The following NAIP variants were observed in gnomAD, a reference collection of about 807,000 sequenced individuals.
The protein encoded by NAIP is NLR family apoptosis inhibitory protein, also known as baculoviral IAP repeat-containing protein 1.
Under a neutral mutation model 23.0 loss-of-function variants are expected in NAIP, and 15 were observed. The ratio of observed to expected loss-of-function variants is 0.65; its 90% confidence interval spans 0.44 to 1.00. The LOEUF is 1.00. NAIP is among the 50% of genes least tolerant of loss of function. The pLI, the probability that NAIP is intolerant of heterozygous loss-of-function variation, is 0.00. For synonymous variants in NAIP, 100 were observed against 100.2 expected (o/e 1.00, Z 0.01); for missense variants, 265 against 278.8 (o/e 0.95, Z 0.35).
rs928871678 is a variant in NAIP, at chr5:71,013,533, G to C, written c.-3-615C>G. Among the ~76,000 whole-genome samples, 2 of 150,470 alleles carry C rather than the reference G, an allele frequency of 1.3e-5. 1 individual carries two copies. Among genetic ancestry groups the C allele is most frequent in the Non-Finnish European group, 3.0e-5 (2 of 67,496 alleles). ...CGGGCGCCTGTAGTCCCAGCTACTC[G>C]GGAGGCTGAGGCAGGAGAATGGCGT... On this transcript the variant is annotated intron_variant, in intron 3 of 16. Transcript: ENST00000517649.
chr5:71,007,611 TTGAG>T (rs1750924661), intron 5 of NAIP, among the ~76,000 whole-genome samples: 1 of 144,484 alleles, frequency 6.9e-6, no homozygotes, highest in Non-Finnish European at 1.5e-5. Flanking sequence ...CATATATAGT[TTGAG>T]TGGTTTTAAA....
At chr5:71,017,739 C>T in intron 3 of NAIP, among the ~76,000 whole-genome samples, 1 of 69,338 alleles carries the variant, frequency 1.4e-5, no homozygotes, top group Non-Finnish European at 3.2e-5. Context: ...CAGGGTTTCA[C>T]CATGTTGGCC....
At chr5:70,996,431 TAAAA>T (rs2112895894) in intron 9 of NAIP, among the ~76,000 whole-genome samples, 1 of 130,736 alleles carries the variant, frequency 7.6e-6, no homozygotes, top group South Asian at 2.6e-4. Flanking sequence ...TTTAAATAAA[TAAAA>T]TTATTAATAC....
chr5:71,011,920 C>T, intron 4 of NAIP: 1 of 255,448 alleles, frequency 3.9e-6, no homozygotes, highest in South Asian at 5.7e-5. Context: ...ATATCATAAC[C>T]CCTATGGCGG....
chr5:71,012,390 T>A lies in NAIP; in HGVS notation c.526A>T (p.Ile176Leu), dbSNP rs866714377. 6.2e-6 allele frequency: 10 copies of A among 1,611,484 alleles called. No individual in the cohort carries two copies. In the Middle Eastern group the frequency reaches 1.5e-3, roughly 239 times the overall value. The change falls in exon 4 of 17, where the codon ATA (isoleucine) becomes TTA (leucine). Residue 176 changes from isoleucine to leucine, a missense_variant. Ile to Leu is a conservative substitution (Grantham distance 5). This residue lies in a region of NAIP where 261 missense variants were observed against 259.2 expected (regional missense o/e 1.01). Coordinates refer to ENST00000517649, the MANE Select transcript of NAIP (RefSeq NM_004536.3). ...FRNWPFYVQG[I>L]SPCVLSEAGF... Reference sequence around the variant, plus strand: ...GCCTCTGAGAGCACACAAGGGGATATCCCTTGGACATAAAATGGCCAGTTC... The same window carrying A: ...GCCTCTGAGAGCACACAAGGGGATAACCCTTGGACATAAAATGGCCAGTTC...
chr5:71,012,697 G>A lies in NAIP; in HGVS notation c.219C>T (p.Tyr73=), dbSNP rs1354725433. 6.2e-7 allele frequency: 1 copy of A among 1,611,832 alleles called. No homozygotes were observed. The highest frequency in any genetic ancestry group is 8.5e-7 in the Non-Finnish European group (1 of 1,178,456). ...RLKTFVTYEP[Y]SSWIPQEMAA... Reference sequence around the variant, plus strand: ...CCATCTCCTGTGGTATCCATGAGCTGTACGGCTCATAAGTCACAAAAGTCT... The same window carrying A: ...CCATCTCCTGTGGTATCCATGAGCTATACGGCTCATAAGTCACAAAAGTCT... Residue 73 remains tyrosine (Y), a synonymous_variant, in exon 4 of 17, where the codon TAC becomes TAT. Coordinates refer to ENST00000517649, the MANE Select transcript of NAIP (RefSeq NM_004536.3).
chr5:71,010,331 C>T (rs965487620), intron 5 of NAIP, among the ~76,000 whole-genome samples: 1 of 151,300 alleles, frequency 6.6e-6, no homozygotes, highest in Non-Finnish European at 1.5e-5. Flanking sequence ...TGCAGTGGCG[C>T]TATCTCGGCT....
At chr5:71,010,212 A>G (rs1006677268) in intron 5 of NAIP, among the ~76,000 whole-genome samples, 1 of 151,416 alleles carries the variant, frequency 6.6e-6, no homozygotes, top group East Asian at 1.9e-4. Flanking sequence ...GGCTCTAGCA[A>G]TCTTCCTGCC....
intron 9 of NAIP, among the ~76,000 whole-genome samples, chr5:70,996,811 AAATT>A (rs1750694562): frequency 1.4e-4 from 17 of 122,916 alleles, no homozygotes; most frequent in Non-Finnish European, 3.5e-5. Context: ...AAAAAAAAAA[AAATT>A]AAGCAGATGG....
At chr5:71,016,164 T>A (rs1417043918) in intron 3 of NAIP, among the ~76,000 whole-genome samples, 2 of 150,538 alleles carry the variant, frequency 1.3e-5, no homozygotes, top group Non-Finnish European at 3.0e-5. Context: ...CATGGTGGCA[T>A]GTGCCTGTAG....
intron 3 of NAIP, among the ~76,000 whole-genome samples, chr5:71,014,014 T>C (rs569194386): frequency 2.0e-5 from 3 of 151,716 alleles, no homozygotes; most frequent in African/African-American, 7.2e-5. Context: ...TGAACTAATT[T>C]TCGTGCCTTT....
chr5:71,011,131 G>GGATTATACTGCTA, intron 5 of NAIP, 144 bp downstream of exon 5: 1 of 622,772 alleles, frequency 1.6e-6, no homozygotes, highest in Non-Finnish European at 2.7e-6. Context: ...TACTCAGAAG[G>GGATTATACTGCTA]CTGAGGCAGG....
chr5:71,008,801 C>G (rs979664790), intron 5 of NAIP, among the ~76,000 whole-genome samples: 1 of 84,202 alleles, frequency 1.2e-5, no homozygotes, highest in Non-Finnish European at 2.2e-5. Flanking sequence ...GAGACTGTCA[C>G]AAAAAAAAAA....
chr5:71,012,281 G>T, intron 4 of NAIP, 67 bp downstream of exon 4: 1 of 1,399,404 alleles, frequency 7.1e-7, no homozygotes, highest in Non-Finnish European at 9.7e-7. Context: ...TATTGCAAAA[G>T]CAATTGAAAA....
At position 71,012,583 on chromosome 5, in the gene NAIP, T is replaced by C; in HGVS notation, c.333A>G (p.Arg111=). The change falls in exon 4 of 17, where the codon AGA becomes AGG. Residue 111 remains arginine (R), a synonymous_variant. Coordinates refer to ENST00000517649, the MANE Select transcript of NAIP (RefSeq NM_004536.3). ...ACCTCTTGTGGTCTTCTATGGGGAGTCTCGTGAGGCCGGCACCAAAGAGGA... is the reference window on the plus strand; with the variant it reads ...ACCTCTTGTGGTCTTCTATGGGGAGCCTCGTGAGGCCGGCACCAAAGAGGA... ...SLILFGAGLT[R]LPIEDHKRFH... is the part of the protein sequence containing the mutation. The C allele has an allele frequency of 6.2e-7, 1 of 1,611,522 alleles. No individual in the cohort carries two copies. Among genetic ancestry groups the C allele is most frequent in the Non-Finnish European group, 8.5e-7 (1 of 1,178,394 alleles).
chr5:71,014,378 G>A (rs1751334043), intron 3 of NAIP, among the ~76,000 whole-genome samples: 2 of 151,496 alleles, frequency 1.3e-5, no homozygotes, highest in African/African-American at 4.8e-5. Context: ...TTGTCGCCCA[G>A]GCTGAAGTGC....
At chr5:71,011,402 G>C in intron 4 of NAIP, 28 bp from the exon 5 acceptor site, 2 of 1,526,704 alleles carry the variant, frequency 1.3e-6, no homozygotes, top group Non-Finnish European at 1.8e-6. Flanking sequence ...TATTTAGATT[G>C]CCTGGCAGTG....
chr5:71,015,540 C>T (rs1394864522), intron 3 of NAIP, among the ~76,000 whole-genome samples: 1 of 121,056 alleles, frequency 8.3e-6, no homozygotes, highest in Admixed American at 8.7e-5. Context: ...GTGGGTGGAT[C>T]ACCTGAGGTC....
chr5:71,002,963 C>A lies in NAIP; in HGVS notation c.750+813G>T, dbSNP rs1320486275. ...TTAATTTTTATTTCTGTTGATGTTG[C>A]AATTGTTTTTATGCAGTGCAAGCAA... On this transcript the variant is annotated intron_variant, in intron 6 of 16. Coordinates refer to ENST00000517649, the MANE Select transcript of NAIP (RefSeq NM_004536.3). 2.5e-4 allele frequency: 11 copies of A among 43,860 alleles called. 3 individuals carry two copies. The highest frequency in any genetic ancestry group is 4.2e-4 in the Non-Finnish European group (11 of 26,050). The allele number at this position is 43,860 out of a possible 1,614,324, so 2.7% of individuals were successfully genotyped here.
Sources: allele counts gnomAD v4.1 joint callset (sites outside exome capture counted in the v4.1 genomes callset), GRCh38; gene constraint gnomAD v4.1.1; regional missense constraint gnomAD v4.1.1; transcripts MANE v1.5; gene names NCBI Gene and HGNC (gene_info 2026-07-23, HGNC 2026-07-21).